The following LPIN1 variants were observed in gnomAD, a reference collection of about 807,000 sequenced individuals.
The protein encoded by LPIN1 is lipin 1.
LPIN1 carries 71 observed loss-of-function variants against 107.5 expected under a neutral mutation model. That is an observed-to-expected ratio of 0.66 (90% CI 0.55 to 0.80). The LOEUF (loss-of-function observed/expected upper bound fraction) is 0.80, where lower values mean the gene tolerates loss of function less well. LPIN1 is among the 30% of genes least tolerant of loss of function. The pLI is 0.00. For missense variants in LPIN1, 1,043 were observed against 1,160.6 expected (o/e 0.90, Z 1.47); for synonymous variants, 445 against 452.6 (o/e 0.98, Z 0.21).
Position 11,808,609 on chromosome 2 carries a change from A to G in LPIN1, c.2249+3453A>G, listed in dbSNP as rs1272040280. Reference sequence around the variant, plus strand: ...CAATCTTCAGCTGGGCACAGTGACTAACACGAATAGTCCGAGCACTTTGGG... The same window carrying G: ...CAATCTTCAGCTGGGCACAGTGACTGACACGAATAGTCCGAGCACTTTGGG... On this transcript the variant is annotated intron_variant, in intron 17 of 20. Coordinates refer to ENST00000674199, the MANE Select transcript of LPIN1 (RefSeq NM_001349206.2). 3.9e-5 allele frequency among the ~76,000 whole-genome samples: 6 copies of G among 152,200 alleles called. No individual in the cohort carries two copies. The South Asian group carries it at 1.2e-3, about 32-fold the overall frequency.
At chr2:11,693,823 T>TATATATATATATATA (rs1225325934) in intron 1 of LPIN1, among the ~76,000 whole-genome samples, 1 of 17,552 alleles carries the variant, frequency 5.7e-5, no homozygotes, top group African/African-American at 1.8e-4. Flanking sequence ...TATATATATA[T>TATATATATATATATA]TTTTTTTTTT....
At chr2:11,721,264 G>A (rs1392989112), upstream of LPIN1, among the ~76,000 whole-genome samples, 1 of 4,522 alleles carries the variant, frequency 2.2e-4, no homozygotes, top group African/African-American at 4.3e-4. Context: ...TACTGCATGC[G>A]TGTGTGTGTG....
intron 1 of LPIN1, among the ~76,000 whole-genome samples, chr2:11,704,645 A>G (rs1663038656): frequency 6.6e-6 from 1 of 152,236 alleles, no homozygotes; most frequent in Admixed American, 6.5e-5. Flanking sequence ...ATGTTCTAGC[A>G]GGAAGCACCA....
At chr2:11,719,791 C>CTTT (rs67142448), upstream of LPIN1, among the ~76,000 whole-genome samples, 1,098 of 132,756 alleles carry the variant, frequency 8.3e-3, 10 homozygotes, top group Middle Eastern at 0.033. Context: ...CCAATTGCTT[C>CTTT]TTTTTTTTTT....
intron 1 of LPIN1, among the ~76,000 whole-genome samples, chr2:11,731,193 C>T (rs150753946): frequency 1.3e-5 from 2 of 152,254 alleles, no homozygotes; most frequent in Non-Finnish European, 1.5e-5. Flanking sequence ...GCCCTGCATG[C>T]GTTAAGTATT....
intron 6 of LPIN1, among the ~76,000 whole-genome samples, chr2:11,776,628 T>G (rs1369943505): frequency 6.6e-6 from 1 of 152,246 alleles, no homozygotes; most frequent in Non-Finnish European, 1.5e-5. Context: ...TTTAATTTAT[T>G]ATAAACATTT....
chr2:11,798,315 C>T (rs1677085529), intron 14 of LPIN1, among the ~76,000 whole-genome samples: 1 of 152,158 alleles, frequency 6.6e-6, no homozygotes, highest in African/African-American at 2.4e-5. Context: ...GTTAGGTTTA[C>T]AAGGGAGGGA....
At chr2:11,762,777 G>A (rs915844298) in intron 1 of LPIN1, among the ~76,000 whole-genome samples, 3 of 152,132 alleles carry the variant, frequency 2.0e-5, no homozygotes, top group South Asian at 2.1e-4. Flanking sequence ...ATATCACAGC[G>A]CCACTGAATG....
rs1165294499 is a variant in LPIN1 at position 11,746,636 on chromosome 2, T to C, written c.-45T>C. On this transcript the variant is annotated 5_prime_UTR_variant, in exon 1 of 21. Transcript: ENST00000674199. ...TGACAGCCGGCGGCGGGCTGGGTGTTTGCAATACAAAGGCGGCCACGCGCG... is the reference window on the plus strand; with the variant it reads ...TGACAGCCGGCGGCGGGCTGGGTGTCTGCAATACAAAGGCGGCCACGCGCG... The C allele has an allele frequency of 1.0e-6, 1 of 985,226 alleles. No individual in the cohort carries two copies. Among genetic ancestry groups the C allele is most frequent in the Non-Finnish European group, 1.2e-6 (1 of 829,940 alleles). 61.0% of individuals were successfully genotyped at this position (985,226 alleles called of 1,614,324 possible).
At chr2:11,787,702 G>A (rs2148666417) in intron 11 of LPIN1, among the ~76,000 whole-genome samples, 1 of 152,194 alleles carries the variant, frequency 6.6e-6, no homozygotes, top group Middle Eastern at 3.4e-3. Context: ...AGCACTTTGG[G>A]AGGCCAAGGC....
chr2:11,678,125 G>T (rs531854370), intron 1 of LPIN1, among the ~76,000 whole-genome samples: 1 of 152,306 alleles, frequency 6.6e-6, no homozygotes, highest in South Asian at 2.1e-4. Context: ...GGTGTGGAGA[G>T]TTGAAGGGAC....
In LPIN1 at chr2:11,734,471, G is replaced by A. The variant is rs372951567; in HGVS notation, c.-71-6878G>A. ...TAGTCCTCAAGTAAGAGCACTTGAC[G>A]GCACCCTTTATCCTTCTCAGTTCAT... is the stretch of plus-strand genomic sequence containing the variant. On this transcript the variant is annotated intron_variant, in intron 1 of 21. Coordinates refer to the LPIN1 transcript ENST00000396097. Among the ~76,000 whole-genome samples, 38 of 152,258 alleles carry A rather than the reference G, an allele frequency of 2.5e-4. No individual in the cohort carries two copies. The East Asian group carries it at 6.0e-3, about 24-fold the overall frequency.
chr2:11,795,274 G>T (rs1206742474), intron 13 of LPIN1, 134 bp from the exon 14 acceptor site: 7 of 750,018 alleles, frequency 9.3e-6, no homozygotes, highest in African/African-American at 1.7e-5. Context: ...CTGGGCGATC[G>T]CTAGGGTGGG....
chr2:11,769,054 C>T (rs1201886728), intron 3 of LPIN1, among the ~76,000 whole-genome samples: 1 of 152,184 alleles, frequency 6.6e-6, no homozygotes, highest in African/African-American at 2.4e-5. Flanking sequence ...TTTGTGTGGA[C>T]ACGTGTGTTT....
chr2:11,819,650 G>A, intron 19 of LPIN1, 52 bp downstream of exon 19: 1 of 1,300,494 alleles, frequency 7.7e-7, no homozygotes, highest in Non-Finnish European at 1.1e-6. Flanking sequence ...GCCTTTTCTG[G>A]TTGCTGTCAT....
At chr2:11,729,327 G>GA (rs138135070) in intron 1 of LPIN1, among the ~76,000 whole-genome samples, 23,305 of 152,042 alleles carry the variant, frequency 0.15, 2,112 homozygotes, top group South Asian at 0.21. Flanking sequence ...TAAAGAAGTG[G>GA]AAAAAAGTAT....
At position 11,707,441 on chromosome 2, in the gene LPIN1, C is replaced by A. The variant is rs1461386831; in HGVS notation, c.82-6315C>A. On this transcript the variant is annotated intron_variant, in intron 1 of 21. Coordinates refer to the LPIN1 transcript ENST00000449576. The surrounding 1 kb of genome is among the most constrained non-coding windows in gnomAD (Gnocchi z 4.2). ...GGAACCGTGGCCAGACCCCCTGAGG[C>A]CACTGTAGGGCCCTGGAATTTACTG... 6.6e-6 allele frequency among the ~76,000 whole-genome samples: 1 copy of A among 152,148 alleles called. No homozygotes were observed.
Position 11,819,043 on chromosome 2 carries a change from TACACACACACACACAC to T in LPIN1, c.2403-430_2403-415del, listed in dbSNP as rs3037343. ...CATTGCTACAATTTGTATACACACA[TACACACACACACACAC>T]ACACACACACGTGTATATATATATT... On this transcript the variant is annotated intron_variant, in intron 18 of 20. Coordinates refer to ENST00000674199, the MANE Select transcript of LPIN1 (RefSeq NM_001349206.2). 7.0e-5 allele frequency: 11 copies of T among 156,290 alleles called. No individual in the cohort carries two copies. In the South Asian group the frequency reaches 1.1e-3, roughly 15 times the overall value. 9.7% of individuals were successfully genotyped at this position (156,290 alleles called of 1,614,324 possible). A position where few individuals can be genotyped will look rare whatever the true frequency, so the allele number is the denominator to read the frequency against.
chr2:11,754,577 A>G (rs909316895), intron 1 of LPIN1, among the ~76,000 whole-genome samples: 1 of 152,188 alleles, frequency 6.6e-6, no homozygotes, highest in African/African-American at 2.4e-5. Context: ...GCAGTTTTGA[A>G]GGTGTCACAT....
Sources: gnomAD v4.1 joint callset for allele counts (sites outside exome capture counted in the v4.1 genomes callset) on GRCh38, gnomAD v4.1.1 for gene constraint, Gnocchi (gnomAD v3.1) non-coding constraint, MANE v1.5 for transcripts, NCBI Gene and HGNC (gene_info 2026-07-23, HGNC 2026-07-21) for gene names.